Variants in SMG9 observed in about 807,000 individuals in gnomAD.
The protein encoded by SMG9 is nonsense-mediated mRNA decay factor SMG9.
Under a neutral mutation model 64.0 loss-of-function variants are expected in SMG9, and 55 were observed. The observed-to-expected ratio is 0.86, with a 90% CI of 0.69 to 1.08. SMG9 has a LOEUF of 1.08. Among genes scored for constraint, SMG9 ranks in the 50% least tolerant of loss-of-function variants. The pLI, the probability that SMG9 is intolerant of heterozygous loss-of-function variation, is 0.00. For synonymous variants in SMG9, 244 were observed against 254.8 expected (o/e 0.96, Z 0.41); for missense variants, 554 against 681.3 (o/e 0.81, Z 2.08).
intron 6 of SMG9, among the ~76,000 whole-genome samples, chr19:43,743,821 T>C (rs2146388964): frequency 6.6e-6 from 1 of 152,334 alleles, no homozygotes; most frequent in East Asian, 1.9e-4. Flanking sequence ...AATAAAATTC[T>C]GCATATACTG....
At chr19:43,750,098 G>A in intron 2 of SMG9, 2 of 518,092 alleles carry the variant, frequency 3.9e-6, no homozygotes, top group South Asian at 1.4e-5. Context: ...CATGAGCTAT[G>A]GCACCTCTCA....
At position 43,733,752 on chromosome 19, in the gene SMG9, G is replaced by A. The variant is rs766659706; in HGVS notation, c.1103-19C>T. ...AAGAAGACTGAGGGTGGGAAGAGAC[G>A]GGCCCTGTCAGGCAGACATCGCTTG... is the stretch of plus-strand genomic sequence containing the variant. On this transcript the variant is annotated intron_variant, in intron 10 of 13. Transcript: ENST00000270066. 1.7e-5 allele frequency: 27 copies of A among 1,603,086 alleles called. No homozygotes were observed. The highest frequency in any genetic ancestry group is 1.0e-4 in the Admixed American group (6 of 59,798).
rs1969064503 is a variant in SMG9, at chr19:43,747,755, G to C, written c.368C>G (p.Ala123Gly). The C allele has an allele frequency of 6.2e-7, 1 of 1,609,602 alleles. No individual in the cohort carries two copies. Among genetic ancestry groups the C allele is most frequent in the African/African-American group, 1.3e-5 (1 of 74,908 alleles). Reference sequence around the variant, plus strand: ...CGCAGGGGCTGCAGGGGGTGGTGGGGCGGTGCCCTCAGGGGTAGAGGCACC... The same window carrying C: ...CGCAGGGGCTGCAGGGGGTGGTGGGCCGGTGCCCTCAGGGGTAGAGGCACC... ...VTGASTPEGT[A>G]PPPPAAPAPP... The change falls in exon 4 of 14, where the codon GCC becomes GGC. Residue 123 changes from alanine (A) to glycine (G), a missense_variant. Physicochemically the swap from Ala to Gly is moderately conservative, Grantham distance 60. Transcript: ENST00000270066.
chr19:43,748,905 G>A, intron 2 of SMG9: 1 of 486,400 alleles, frequency 2.1e-6, no homozygotes, highest in South Asian at 1.5e-5. Context: ...AAAACTACAG[G>A]AGGAGAGGCT....
chr19:43,737,546 T>C, intron 9 of SMG9, 51 bp downstream of exon 9: 2 of 1,524,698 alleles, frequency 1.3e-6, no homozygotes, highest in Non-Finnish European at 1.8e-6. Context: ...TCTGGGCCTT[T>C]GTCTCCTGCC....
At chr19:43,744,067 G>A (rs146639522) in intron 6 of SMG9, among the ~76,000 whole-genome samples, 4 of 151,984 alleles carry the variant, frequency 2.6e-5, no homozygotes, top group African/African-American at 7.2e-5. Flanking sequence ...CCCCAGTTTC[G>A]GGACCTGTTT....
rs189956075 is a variant in SMG9 at position 43,752,668 on chromosome 19, C to T, written c.-6-1921G>A. ...ATCCCGACACTTTGGGAGGCCGAGACAGGAGGACTGCTTCAGCCCAGGAGT... is the reference window on the plus strand; with the variant it reads ...ATCCCGACACTTTGGGAGGCCGAGATAGGAGGACTGCTTCAGCCCAGGAGT... On this transcript the variant is annotated intron_variant, in intron 1 of 13. Coordinates refer to ENST00000270066, the MANE Select transcript of SMG9 (RefSeq NM_019108.4). Among the ~76,000 whole-genome samples, 5 of 152,226 alleles carry T rather than the reference C, an allele frequency of 3.3e-5. No individual in the cohort carries two copies. In the East Asian group the frequency reaches 9.7e-4, roughly 29 times the overall value.
chr19:43,729,007 G>A lies in SMG9; in HGVS notation c.*2589C>T, dbSNP rs12459628. The stretch of plus-strand genomic sequence containing the variant: ...CTCCCTGCAGCAGTATATCTAGCTG[G>A]TGTCCACAGTGGCCTGCTGGCAGCA... On this transcript the variant is annotated 3_prime_UTR_variant, in exon 14 of 14. Transcript: ENST00000270066. 33 of 985,614 alleles carry A rather than the reference G, an allele frequency of 3.3e-5. No individual in the cohort carries two copies. In the Admixed American group the frequency reaches 1.9e-3, roughly 57 times the overall value. 61.1% of individuals were successfully genotyped at this position (985,614 alleles called of 1,614,324 possible).
Position 43,744,784 on chromosome 19 carries a change from T to C in SMG9, c.689A>G (p.Glu230Gly). 2 of 1,613,684 alleles carry C rather than the reference T, an allele frequency of 1.2e-6. No individual in the cohort carries two copies. Among genetic ancestry groups the C allele is most frequent in the Non-Finnish European group, 1.7e-6 (2 of 1,179,738 alleles). ...GATAGCCCCTCACCTCTGGTCCTCC[T>C]CTGGAGTGTTGGCTGACAACAATGA... ...VMSLLSANTP[E>G]EDQRTYVFRA... is the part of the protein sequence containing the mutation. The change falls in exon 6 of 14, where the codon GAG becomes GGG. Residue 230 changes from glutamate (E) to glycine (G), a missense_variant. Coordinates refer to ENST00000270066, the MANE Select transcript of SMG9 (RefSeq NM_019108.4).
At chr19:43,752,787 T>C (rs1327542589) in intron 1 of SMG9, among the ~76,000 whole-genome samples, 1 of 151,618 alleles carries the variant, frequency 6.6e-6, no homozygotes, top group Admixed American at 6.6e-5. Flanking sequence ...GCACCTGTAG[T>C]CCCAGCTACT....
In SMG9 at chr19:43,747,855, C is replaced by T. The variant is rs765904866; in HGVS notation, c.268G>A (p.Ala90Thr). 1 of 1,606,638 alleles carries T rather than the reference C, an allele frequency of 6.2e-7. No homozygotes were observed. The highest frequency in any genetic ancestry group is 1.7e-5 in the Admixed American group (1 of 59,400). ...ATGGGCTTCTCCAGAGGGGCTGGAG[C>T]AGGCGGGGCAGCAGGGGCTGTTGGA... ...PPPTAPAAPP[A>T]PAPLEKPIVL... Residue 90 changes from alanine (A) to threonine (T), a missense_variant, in exon 4 of 14, where the codon GCT (alanine) becomes ACT (threonine). Coordinates refer to ENST00000270066, the MANE Select transcript of SMG9 (RefSeq NM_019108.4).
chr19:43,736,870 G>A (rs559685546), intron 9 of SMG9, among the ~76,000 whole-genome samples: 5 of 152,338 alleles, frequency 3.3e-5, no homozygotes, highest in Non-Finnish European at 5.9e-5. Context: ...CGAATGGCAC[G>A]AGGGCGAGAG....
intron 7 of SMG9, among the ~76,000 whole-genome samples, chr19:43,739,117 T>C (rs1042461646): frequency 6.6e-6 from 1 of 152,234 alleles, no homozygotes; most frequent in African/African-American, 2.4e-5. Context: ...TCACATGCTA[T>C]GGTGGGAGGT....
chr19:43,736,211 A>G (rs1418836021), intron 9 of SMG9, among the ~76,000 whole-genome samples: 2 of 151,988 alleles, frequency 1.3e-5, no homozygotes, highest in East Asian at 3.8e-4. Context: ...TGAATGCTTT[A>G]AATTCCTTAA....
chr19:43,754,946 G>C lies in SMG9; in HGVS notation c.-299C>G, dbSNP rs891000492. The C allele has an allele frequency of 7.2e-5, 11 of 152,298 alleles. No homozygotes were observed. The highest frequency in any genetic ancestry group is 1.5e-4 in the Non-Finnish European group (10 of 68,090). 9.4% of individuals were successfully genotyped at this position (152,298 alleles called of 1,614,324 possible). A position where few individuals can be genotyped will look rare whatever the true frequency, so the allele number is the denominator to read the frequency against. On this transcript the variant is annotated 5_prime_UTR_variant, in exon 1 of 14. Coordinates refer to ENST00000270066, the MANE Select transcript of SMG9 (RefSeq NM_019108.4). ...CGTCCTGCGCATGCGCTGAGGGCTGGAGCTCGAGAACTGAATGCGCTCGCC... is the reference window on the plus strand; with the variant it reads ...CGTCCTGCGCATGCGCTGAGGGCTGCAGCTCGAGAACTGAATGCGCTCGCC...
At chr19:43,738,791 C>G (rs1968754534) in intron 7 of SMG9, among the ~76,000 whole-genome samples, 1 of 152,246 alleles carries the variant, frequency 6.6e-6, no homozygotes, top group Non-Finnish European at 1.5e-5. Context: ...AAACTCCAAA[C>G]ATTGAGCAGT....
rs138594541 is a variant in SMG9, at chr19:43,732,196, G to A, written c.1485-522C>T. ...TGACCCCTTCCAGGCACAGCCAACT[G>A]CAAACAGATGTAGGGAGCCAAGTTA... On this transcript the variant is annotated intron_variant, in intron 13 of 13. Transcript: ENST00000270066. 72 of 159,692 alleles carry A rather than the reference G, an allele frequency of 4.5e-4. 1 individual carries two copies. The highest frequency in any genetic ancestry group is 1.4e-3 in the African/African-American group (59 of 41,626). 9.9% of individuals were successfully genotyped at this position (159,692 alleles called of 1,614,324 possible).
At chr19:43,745,923 C>G (rs145905675) in intron 5 of SMG9, among the ~76,000 whole-genome samples, 1 of 152,182 alleles carries the variant, frequency 6.6e-6, no homozygotes, top group South Asian at 2.1e-4. Context: ...ATTGCTTGAA[C>G]CCGGGAGGCG....
At chr19:43,744,945 G>A (rs932734550) in intron 5 of SMG9, 61 bp from the exon 6 acceptor site, 5 of 1,337,888 alleles carry the variant, frequency 3.7e-6, no homozygotes, top group African/African-American at 2.9e-5. Context: ...TGGAATGAGG[G>A]GGGGACTCCA....
Sources: gnomAD v4.1 joint callset for allele counts (sites outside exome capture counted in the v4.1 genomes callset) on GRCh38, gnomAD v4.1.1 for gene constraint, MANE v1.5 for transcripts, NCBI Gene and HGNC (gene_info 2026-07-23, HGNC 2026-07-21) for gene names.